Variants in MCTP1 observed in about 807,000 individuals in gnomAD.
MCTP1 encodes the protein multiple C2 and transmembrane domain-containing protein 1.
Under a neutral mutation model 120.6 loss-of-function variants are expected in MCTP1, and 69 were observed. The ratio of observed to expected loss-of-function variants is 0.57; its 90% confidence interval spans 0.47 to 0.70. The LOEUF (loss-of-function observed/expected upper bound fraction) is 0.70. Ranked by LOEUF, MCTP1 falls within the 30% of genes least tolerant of loss-of-function variation. MCTP1 has a pLI of 0.00. For missense variants in MCTP1, 1,203 were observed against 1,248.8 expected (o/e 0.96, Z 0.55); for synonymous variants, 529 against 493.1 (o/e 1.07, Z -0.96).
At chr5:95,026,864 T>C (rs1562039375) in intron 1 of MCTP1, among the ~76,000 whole-genome samples, 1 of 152,210 alleles carries the variant, frequency 6.6e-6, no homozygotes, top group Non-Finnish European at 1.5e-5. Context: ...TATTCAATTT[T>C]CGACTTTTAA....
chr5:94,843,065 T>C (rs1034718893), intron 17 of MCTP1, among the ~76,000 whole-genome samples: 2 of 151,872 alleles, frequency 1.3e-5, no homozygotes, highest in East Asian at 3.9e-4. Flanking sequence ...ATAAAGCTTA[T>C]ATATAAAAAA....
intron 1 of MCTP1, among the ~76,000 whole-genome samples, chr5:95,280,682 T>C (rs1468715767): frequency 6.6e-6 from 1 of 152,124 alleles, no homozygotes; most frequent in Non-Finnish European, 1.5e-5. Flanking sequence ...AACAGAACAT[T>C]TGAAATAATG....
chr5:95,282,693 GGT>G (rs1355307349), intron 1 of MCTP1, among the ~76,000 whole-genome samples: 3 of 152,100 alleles, frequency 2.0e-5, no homozygotes, highest in African/African-American at 7.2e-5. Context: ...TGGATCATCA[GGT>G]GTTTGCTTAC....
intron 1 of MCTP1, among the ~76,000 whole-genome samples, chr5:95,224,925 T>C (rs1245668555): frequency 6.6e-6 from 1 of 152,198 alleles, no homozygotes; most frequent in Non-Finnish European, 1.5e-5. Flanking sequence ...AAATTACTTT[T>C]TTCAGCCTCT....
chr5:94,708,110 ACTT>A (rs1482208922), intron 22 of MCTP1: 1 of 157,554 alleles, frequency 6.3e-6, no homozygotes, highest in African/African-American at 2.4e-5. Flanking sequence ...TCCAAAATAT[ACTT>A]CTTCAAAACT....
intron 2 of MCTP1, among the ~76,000 whole-genome samples, chr5:94,991,889 A>AAAT (rs1554168710): frequency 3.2e-4 from 48 of 151,482 alleles, no homozygotes; most frequent in East Asian, 1.4e-3. Flanking sequence ...AAAAAAAATA[A>AAAT]AAATAAATAA....
At chr5:95,122,343 T>G (rs1034650295) in intron 1 of MCTP1, among the ~76,000 whole-genome samples, 2 of 152,150 alleles carry the variant, frequency 1.3e-5, no homozygotes, top group South Asian at 2.1e-4. Flanking sequence ...ACAGAAGATC[T>G]GAATAAACAT....
chr5:95,244,005 A>G (rs1365202894), intron 1 of MCTP1, among the ~76,000 whole-genome samples: 1 of 152,222 alleles, frequency 6.6e-6, no homozygotes, highest in Non-Finnish European at 1.5e-5. Context: ...CTAGAAAATC[A>G]TCTCTAGGAT....
At chr5:94,718,434 T>TA (rs1278098652) in intron 19 of MCTP1, among the ~76,000 whole-genome samples, 1 of 152,130 alleles carries the variant, frequency 6.6e-6, no homozygotes, top group Non-Finnish European at 1.5e-5. Flanking sequence ...ATTCAGGACA[T>TA]ACTCACAGGC....
chr5:94,741,325 A>G (rs1435426837), intron 19 of MCTP1, among the ~76,000 whole-genome samples: 1 of 152,240 alleles, frequency 6.6e-6, no homozygotes, highest in African/African-American at 2.4e-5. Flanking sequence ...TAAGAAGTAT[A>G]AAAATGGAAC....
intron 19 of MCTP1, among the ~76,000 whole-genome samples, chr5:94,716,731 G>A (rs1324493042): frequency 6.6e-6 from 1 of 150,530 alleles, no homozygotes; most frequent in African/African-American, 2.5e-5. Flanking sequence ...ACCTCAGCAG[G>A]AAATTTACGA....
rs1561769467 is a variant in MCTP1, at chr5:94,864,390, G to C, written c.2436+3943C>G. ...TAGGAATTGTACTTTAAAGGCAAGA[G>C]GACATTTTTGATAATGCACATCTTA... is the stretch of plus-strand genomic sequence containing the variant. On this transcript the variant is annotated intron_variant, in intron 17 of 22. Transcript: ENST00000515393. Among the ~76,000 whole-genome samples the C allele has an allele frequency of 2.0e-5, 3 of 151,794 alleles. No individual in the cohort carries two copies. The South Asian group carries it at 6.2e-4, about 31-fold the overall frequency.
At chr5:94,787,512 A>G (rs1419817471) in intron 18 of MCTP1, among the ~76,000 whole-genome samples, 2 of 150,190 alleles carry the variant, frequency 1.3e-5, no homozygotes, top group Non-Finnish European at 2.9e-5. Flanking sequence ...TTACAAGGGA[A>G]CTCTTCAAGA....
At chr5:95,205,875 T>C (rs1751561820) in intron 1 of MCTP1, among the ~76,000 whole-genome samples, 1 of 151,680 alleles carries the variant, frequency 6.6e-6, no homozygotes, top group Non-Finnish European at 1.5e-5. Flanking sequence ...ATCAAGAAAA[T>C]GGAAAATAAC....
At chr5:95,036,747 AT>A (rs1410997254) in intron 1 of MCTP1, among the ~76,000 whole-genome samples, 1 of 152,238 alleles carries the variant, frequency 6.6e-6, no homozygotes, top group Non-Finnish European at 1.5e-5. Flanking sequence ...GATAGAATGA[AT>A]GTACTACTTC....
intron 2 of MCTP1, among the ~76,000 whole-genome samples, chr5:95,012,684 G>T (rs1581835904): frequency 6.6e-6 from 1 of 152,020 alleles, no homozygotes; most frequent in African/African-American, 2.4e-5. Flanking sequence ...TTTGAGGGAG[G>T]CCCCATGAAC....
At chr5:95,268,722 T>A (rs1759116089) in intron 1 of MCTP1, among the ~76,000 whole-genome samples, 1 of 152,246 alleles carries the variant, frequency 6.6e-6, no homozygotes, top group African/African-American at 2.4e-5. Context: ...GCAACGTTAA[T>A]CACCCTTTAG....
At chr5:95,174,807 T>G (rs1234729075) in intron 1 of MCTP1, among the ~76,000 whole-genome samples, 2 of 152,216 alleles carry the variant, frequency 1.3e-5, no homozygotes, top group Non-Finnish European at 2.9e-5. Flanking sequence ...TATTCTAAAA[T>G]AAAACGAAAG....
intron 12 of MCTP1, among the ~76,000 whole-genome samples, chr5:94,887,716 T>A (rs1801650790): frequency 6.6e-6 from 1 of 152,220 alleles, no homozygotes; most frequent in South Asian, 2.1e-4. Context: ...ATCTTCTTGG[T>A]TACAAATGAG....
Sources: allele counts gnomAD v4.1 joint callset (sites outside exome capture counted in the v4.1 genomes callset), GRCh38; gene constraint gnomAD v4.1.1; transcripts MANE v1.5; gene names NCBI Gene and HGNC (gene_info 2026-07-23, HGNC 2026-07-21).